The following B3GNT5 variants were observed in gnomAD, a reference collection of about 807,000 sequenced individuals.
B3GNT5 encodes lactosylceramide 1,3-N-acetyl-beta-D-glucosaminyltransferase.
B3GNT5 carries 11 observed loss-of-function variants against 25.9 expected under a neutral mutation model. The observed-to-expected ratio is 0.42, with a 90% CI of 0.27 to 0.70. B3GNT5 has a LOEUF of 0.70. Ranked by LOEUF, B3GNT5 falls within the 30% of genes least tolerant of loss-of-function variation. B3GNT5 has a pLI of 0.23. For missense variants in B3GNT5, 385 were observed against 458.4 expected, an observed-to-expected ratio of 0.84 and a Z score of 1.46; for synonymous variants, 166 against 158.6, an observed-to-expected ratio of 1.05 and a Z score of -0.35.
At chr3:183,255,686 G>T (rs1455009624) in intron 1 of B3GNT5, among the ~76,000 whole-genome samples, 1 of 151,918 alleles carries the variant, frequency 6.6e-6, no homozygotes, top group East Asian at 1.9e-4. Context: ...AAACTCAGAA[G>T]GTGCAGAAGA....
chr3:183,267,517 CA>C lies in B3GNT5; in HGVS notation c.-301-1980del, dbSNP rs925983657. On this transcript the variant is annotated intron_variant, in intron 1 of 1. Coordinates refer to ENST00000326505, the MANE Select transcript of B3GNT5 (RefSeq NM_032047.5). The surrounding 1 kb of genome is among the most constrained non-coding windows in gnomAD (Gnocchi z 5.5). ...TCAGTGTGTACAGTTGGTTTTCTAT[CA>C]GGGGTCAACCGGCGGGGGGACTTGA... Among the ~76,000 whole-genome samples the C allele has an allele frequency of 1.3e-5, 2 of 152,210 alleles. No individual in the cohort carries two copies. The highest frequency in any genetic ancestry group is 4.8e-5 in the African/African-American group (2 of 41,458).
chr3:183,269,617 T>C lies in B3GNT5; in HGVS notation c.-182T>C. On this transcript the variant is annotated 5_prime_UTR_variant, in exon 2 of 2. Transcript: ENST00000326505. ...CCTCGTTCTACAGGGTGTTCCATTC[T>C]TCCGCAATCTCAGAAAAATGGGACT... 1 of 576,232 alleles carries C rather than the reference T, an allele frequency of 1.7e-6. No homozygotes were observed. Among genetic ancestry groups the C allele is most frequent in the East Asian group, 3.1e-5 (1 of 31,958 alleles). The allele number at this position is 576,232 out of a possible 1,614,324, so 35.7% of individuals were successfully genotyped here.
In B3GNT5 at chr3:183,267,213, TA is replaced by T. The variant is rs3076576; in HGVS notation, c.-301-2274del. ...TACTACTCTCAGTACACTCTGTATT[TA>T]AAAAAAAAAATGCTGGTTGTGGCTT... On this transcript the variant is annotated intron_variant, in intron 1 of 1. Coordinates refer to ENST00000326505, the MANE Select transcript of B3GNT5 (RefSeq NM_032047.5). This position sits in a 1 kb window ranked among gnomAD's most constrained non-coding sequence, Gnocchi z 5.5. 2.1e-4 allele frequency among the ~76,000 whole-genome samples: 32 copies of T among 148,970 alleles called. No homozygotes were observed. Among genetic ancestry groups the T allele is most frequent in the South Asian group, 6.3e-4 (3 of 4,726 alleles).
intron 1 of B3GNT5, among the ~76,000 whole-genome samples, chr3:183,260,999 C>T (rs9819105): frequency 0.21 from 31,629 of 152,096 alleles, 8,418 homozygotes; most frequent in African/African-American, 0.62. Context: ...GGTAGAATTT[C>T]TTTTCTTTTT....
At chr3:183,262,014 GAATA>G (rs1296259865) in intron 1 of B3GNT5, among the ~76,000 whole-genome samples, 1 of 129,326 alleles carries the variant, frequency 7.7e-6, no homozygotes, top group Non-Finnish European at 1.6e-5. Context: ...ATATATATAT[GAATA>G]TTTATTAATA....
At chr3:183,262,041 A>T (rs116324997) in intron 1 of B3GNT5, among the ~76,000 whole-genome samples, 1 of 147,086 alleles carries the variant, frequency 6.8e-6, no homozygotes, top group Non-Finnish European at 1.5e-5. Flanking sequence ...AGTTTAAAAG[A>T]TATAAAGGAA....
intron 1 of B3GNT5, among the ~76,000 whole-genome samples, chr3:183,262,068 ATT>A (rs1491566716): frequency 1.3e-5 from 2 of 148,208 alleles, no homozygotes; most frequent in Non-Finnish European, 3.0e-5. Context: ...ATGCATATAT[ATT>A]ATATATATAT....
In B3GNT5 at chr3:183,271,825, G is replaced by A. The variant is rs1726807125; in HGVS notation, c.*890G>A. The A allele has an allele frequency of 6.0e-6, 1 of 166,898 alleles. No individual in the cohort carries two copies. Among genetic ancestry groups the A allele is most frequent in the African/African-American group, 2.4e-5 (1 of 41,412 alleles). 10.3% of individuals were successfully genotyped at this position (166,898 alleles called of 1,614,324 possible). A position where few individuals can be genotyped will look rare whatever the true frequency, so the allele number is the denominator to read the frequency against. The stretch of plus-strand genomic sequence containing the variant: ...AATTTACATAGAGGAATATAATAAT[G>A]GAGAGACTTCAAATGGAAAGACAGA... On this transcript the variant is annotated 3_prime_UTR_variant, in exon 2 of 2. Coordinates refer to ENST00000326505, the MANE Select transcript of B3GNT5 (RefSeq NM_032047.5).
At position 183,273,079 on chromosome 3, in the gene B3GNT5, G is replaced by T; in HGVS notation, c.*2144G>T. The T allele has an allele frequency of 1.4e-6, 2 of 1,420,382 alleles. No homozygotes were observed. Among genetic ancestry groups the T allele is most frequent in the Non-Finnish European group, 1.9e-6 (2 of 1,062,686 alleles). The allele number at this position is 1,420,382 out of a possible 1,614,324, so 88.0% of individuals were successfully genotyped here. A position where few individuals can be genotyped will look rare whatever the true frequency, so the allele number is the denominator to read the frequency against. ...GAGAAGAGTATCTGTAAATAAAAGG[G>T]TTCCAACCTTTTAAAAAAGAAGGAA... On this transcript the variant is annotated 3_prime_UTR_variant, in exon 2 of 2. Transcript: ENST00000326505.
chr3:183,267,891 C>T lies in B3GNT5; in HGVS notation c.-301-1607C>T, dbSNP rs555326990. On this transcript the variant is annotated intron_variant, in intron 1 of 1. Coordinates refer to ENST00000326505, the MANE Select transcript of B3GNT5 (RefSeq NM_032047.5). The surrounding 1 kb of genome is among the most constrained non-coding windows in gnomAD (Gnocchi z 5.5). ...TTTGAGTAAACAGTGGCTCCACCCC[C>T]GGCATGGTTCTTTGCACCAACATTT... Among the ~76,000 whole-genome samples, 3 of 152,202 alleles carry T rather than the reference C, an allele frequency of 2.0e-5. No individual in the cohort carries two copies. The highest frequency in any genetic ancestry group is 2.9e-5 in the Non-Finnish European group (2 of 68,042).
At chr3:183,266,603 C>T (rs1726150626) in intron 1 of B3GNT5, among the ~76,000 whole-genome samples, 2 of 152,130 alleles carry the variant, frequency 1.3e-5, no homozygotes, top group African/African-American at 4.8e-5. Flanking sequence ...ACTGAGAGAG[C>T]AACTGAGAGA....
In B3GNT5 at chr3:183,270,941, CTTGAATG is replaced by C. The variant is rs1267992183; in HGVS notation, c.*10_*16del. 1.3e-6 allele frequency: 2 copies of C among 1,548,292 alleles called. No individual in the cohort carries two copies. Among genetic ancestry groups the C allele is most frequent in the Non-Finnish European group, 1.7e-6 (2 of 1,151,910 alleles). ...GTAGGGCTGCGTTTATCTAATAGTA[CTTGAATG>C]TTGTATGTTTTCACTGTCACTGAGT... On this transcript the variant is annotated 3_prime_UTR_variant, in exon 2 of 2. Transcript: ENST00000326505. This position sits in a 1 kb window ranked among gnomAD's most constrained non-coding sequence, Gnocchi z 4.5.
At position 183,273,037 on chromosome 3, in the gene B3GNT5, CACTT is replaced by C. The variant is rs778247162; in HGVS notation, c.*2108_*2111del. On this transcript the variant is annotated 3_prime_UTR_variant, in exon 2 of 2. Transcript: ENST00000326505. ...AAGTTGCTAGATGATTCCTTCATCA[CACTT>C]ACTTAAAGTACTGAGAAGAGTATCT... 11 of 1,489,446 alleles carry C rather than the reference CACTT, an allele frequency of 7.4e-6. No individual in the cohort carries two copies. The highest frequency in any genetic ancestry group is 2.7e-5 in the East Asian group (1 of 37,640). The allele number at this position is 1,489,446 out of a possible 1,614,324, so 92.3% of individuals were successfully genotyped here.
At chr3:183,254,317 G>C (rs917585438) in intron 1 of B3GNT5, 3 of 151,852 alleles carry the variant, frequency 2.0e-5, no homozygotes, top group Non-Finnish European at 4.4e-5. Flanking sequence ...GACCGCGCAC[G>C]GCCCAGCGCC....
chr3:183,263,174 C>G (rs1165677608), intron 1 of B3GNT5, among the ~76,000 whole-genome samples: 2 of 152,062 alleles, frequency 1.3e-5, no homozygotes, highest in African/African-American at 4.8e-5. Flanking sequence ...AACTTCCTGG[C>G]TGATAAGGTG....
intron 1 of B3GNT5, chr3:183,254,723 C>T (rs1264965925): frequency 6.6e-6 from 1 of 152,254 alleles, no homozygotes; most frequent in Non-Finnish European, 1.5e-5. Flanking sequence ...AAGCCCGTGT[C>T]GGGCTGGAAA....
chr3:183,261,250 C>T (rs1404294962), intron 1 of B3GNT5, among the ~76,000 whole-genome samples: 1 of 152,062 alleles, frequency 6.6e-6, no homozygotes, highest in Non-Finnish European at 1.5e-5. Flanking sequence ...CTTTTTATTC[C>T]TGATCTCTCT....
At chr3:183,261,333 A>C (rs899369303) in intron 1 of B3GNT5, among the ~76,000 whole-genome samples, 2 of 152,234 alleles carry the variant, frequency 1.3e-5, no homozygotes, top group African/African-American at 4.8e-5. Flanking sequence ...AGAAGAAGCC[A>C]GGAAAAAATA....
chr3:183,258,031 C>G (rs1447275464), intron 1 of B3GNT5, among the ~76,000 whole-genome samples: 2 of 134,608 alleles, frequency 1.5e-5, no homozygotes, highest in Admixed American at 8.3e-5. Context: ...GCAATGGTGC[C>G]ATCTCGGCTC....
Sources: allele counts gnomAD v4.1 joint callset (sites outside exome capture counted in the v4.1 genomes callset), GRCh38; gene constraint gnomAD v4.1.1; non-coding constraint Gnocchi (gnomAD v3.1); transcripts MANE v1.5; gene names NCBI Gene and HGNC (gene_info 2026-07-23, HGNC 2026-07-21).